Variants in SNX18 observed in about 807,000 individuals in gnomAD.
The protein encoded by SNX18 is sorting nexin-18.
SNX18 carries 35 observed loss-of-function variants against 48.7 expected under a neutral mutation model. The ratio of observed to expected loss-of-function variants is 0.72; its 90% CI spans 0.55 to 0.95. SNX18 has a LOEUF of 0.95. Ranked by LOEUF, SNX18 falls within the 40% of genes least tolerant of loss-of-function variation. SNX18 has a pLI of 0.00. For synonymous variants in SNX18, 492 were observed against 384.7 expected, an observed-to-expected ratio of 1.28 and a Z score of -3.26; for missense variants, 824 against 871.0, an observed-to-expected ratio of 0.95 and a Z score of 0.68.
At chr5:54,574,536 G>A in the SNX18 span, among the ~76,000 whole-genome samples, 1 of 152,038 alleles carries the variant, frequency 6.6e-6, no homozygotes, top group Non-Finnish European at 1.5e-5. Flanking sequence ...GGGATTCTAT[G>A]CCCAGTTAAA....
At chr5:54,583,664 C>G in the SNX18 span, among the ~76,000 whole-genome samples, 1 of 152,174 alleles carries the variant, frequency 6.6e-6, no homozygotes, top group Admixed American at 6.5e-5. Context: ...GTACCTACCA[C>G]TTAGCATGTT....
chr5:54,588,306 CTTTTTTTTTTTTTT>C, the SNX18 span, among the ~76,000 whole-genome samples: 870 of 73,920 alleles, frequency 0.012, 30 homozygotes, highest in African/African-American at 0.044. Context: ...TATTTCTATT[CTTTTTTTTTTTTTT>C]TTTTTTTTTT....
At chr5:54,531,046 C>G (rs1036454087) in intron 1 of SNX18, among the ~76,000 whole-genome samples, 1 of 152,164 alleles carries the variant, frequency 6.6e-6, no homozygotes, top group African/African-American at 2.4e-5. Context: ...AGTCACCCTG[C>G]CCATCCAAAC....
chr5:54,641,086 G>A, the SNX18 span, among the ~76,000 whole-genome samples: 90 of 152,032 alleles, frequency 5.9e-4, no homozygotes, highest in African/African-American at 1.9e-3. Flanking sequence ...AATCAGGAAG[G>A]AGTATACAGA....
At chr5:54,633,440 A>C in the SNX18 span, among the ~76,000 whole-genome samples, 1 of 152,172 alleles carries the variant, frequency 6.6e-6, no homozygotes. Flanking sequence ...AGCTGGAACT[A>C]AAAGTGTGCC....
At chr5:54,572,025 T>A in the SNX18 span, among the ~76,000 whole-genome samples, 1 of 152,294 alleles carries the variant, frequency 6.6e-6, no homozygotes, top group Admixed American at 6.5e-5. Context: ...ATCTTGTTAT[T>A]AGAACTCTGA....
chr5:54,581,213 G>C, the SNX18 span, among the ~76,000 whole-genome samples: 6 of 152,206 alleles, frequency 3.9e-5, no homozygotes, highest in African/African-American at 1.4e-4. Context: ...CTGTGTCAAG[G>C]GGTAACATGA....
the SNX18 span, among the ~76,000 whole-genome samples, chr5:54,641,466 T>C: frequency 6.6e-6 from 1 of 152,010 alleles, no homozygotes; most frequent in South Asian, 2.1e-4. Flanking sequence ...GAAGTTGGCG[T>C]GGGATGGGGC....
chr5:54,561,904 A>G, the SNX18 span, among the ~76,000 whole-genome samples: 1 of 152,232 alleles, frequency 6.6e-6, no homozygotes, highest in African/African-American at 2.4e-5. Flanking sequence ...GCAAGGCAAC[A>G]GTATTAAAGT....
At chr5:54,639,205 T>A in the SNX18 span, among the ~76,000 whole-genome samples, 1 of 150,372 alleles carries the variant, frequency 6.7e-6, no homozygotes, top group Non-Finnish European at 1.5e-5. Flanking sequence ...GCTCTCCCAA[T>A]CAGAGAACTT....
the SNX18 span, among the ~76,000 whole-genome samples, chr5:54,581,520 G>A: frequency 2.0e-5 from 3 of 152,056 alleles, no homozygotes; most frequent in East Asian, 3.9e-4. Flanking sequence ...GACGTCTGGC[G>A]TTCCCACCAG....
At chr5:54,620,835 T>C in the SNX18 span, among the ~76,000 whole-genome samples, 1 of 152,206 alleles carries the variant, frequency 6.6e-6, no homozygotes, top group Non-Finnish European at 1.5e-5. Flanking sequence ...CACCTCACTG[T>C]GTCCTCACAT....
chr5:54,568,639 A>G, the SNX18 span, among the ~76,000 whole-genome samples: 2 of 152,176 alleles, frequency 1.3e-5, no homozygotes, highest in Non-Finnish European at 2.9e-5. Context: ...CGCTGCTTCC[A>G]TGTGACTCAA....
downstream of SNX18, among the ~76,000 whole-genome samples, chr5:54,550,237 A>G: frequency 6.6e-6 from 1 of 152,208 alleles, no homozygotes; most frequent in East Asian, 1.9e-4. Flanking sequence ...TGTTCTCTGT[A>G]TGAAACAAAG....
At position 54,519,067 on chromosome 5, in the gene SNX18, G is replaced by A; in HGVS notation, c.1115G>A (p.Cys372Tyr). Residue 372 changes from cysteine (C) to tyrosine (Y), a missense_variant, in exon 1 of 2, where the codon TGC becomes TAC. Cys to Tyr is a radical substitution (Grantham distance 194). Transcript: ENST00000381410. ...HMASHPVLAQ[C>Y]DVFQHFLTCP... is the part of the protein sequence containing the mutation. ...GCCAGCCACCCAGTGCTGGCGCAGT[G>A]CGACGTCTTCCAGCACTTCCTGACG... 1 of 1,613,938 alleles carries A rather than the reference G, an allele frequency of 6.2e-7. No individual in the cohort carries two copies. Among genetic ancestry groups the A allele is most frequent in the Non-Finnish European group, 8.5e-7 (1 of 1,179,988 alleles).
At chr5:54,617,586 A>G in the SNX18 span, among the ~76,000 whole-genome samples, 1 of 152,172 alleles carries the variant, frequency 6.6e-6, no homozygotes, top group Non-Finnish European at 1.5e-5. Flanking sequence ...GAGACAGAAA[A>G]TATGGTTTTG....
At position 54,519,267 on chromosome 5, in the gene SNX18, G is replaced by T; in HGVS notation, c.1315G>T (p.Asp439Tyr). 1 of 1,614,140 alleles carries T rather than the reference G, an allele frequency of 6.2e-7. No homozygotes were observed. The highest frequency in any genetic ancestry group is 8.5e-7 in the Non-Finnish European group (1 of 1,180,014). The change falls in exon 1 of 2, where the codon GAC (aspartate) becomes TAC (tyrosine). Residue 439 changes from aspartate to tyrosine, a missense_variant. Coordinates refer to ENST00000381410, the MANE Select transcript of SNX18 (RefSeq NM_001102575.2). ...CTTCAAGTGCTTCACCAAGAAGATG[G>T]ACGACAGCGCGCTGCAGCTCAACCA... ...DGFKCFTKKM[D>Y]DSALQLNHTA...
chr5:54,591,729 C>T, the SNX18 span, among the ~76,000 whole-genome samples: 9 of 152,222 alleles, frequency 5.9e-5, no homozygotes, highest in Admixed American at 5.2e-4. Flanking sequence ...GAATTAAGAG[C>T]TTCCACACTT....
chr5:54,577,531 C>T, the SNX18 span, among the ~76,000 whole-genome samples: 1 of 152,016 alleles, frequency 6.6e-6, no homozygotes, highest in Non-Finnish European at 1.5e-5. Flanking sequence ...AATTGAAGCC[C>T]AGAGAGAGTT....
Sources: gnomAD v4.1 joint callset for allele counts (sites outside exome capture counted in the v4.1 genomes callset) on GRCh38, gnomAD v4.1.1 for gene constraint, MANE v1.5 for transcripts, NCBI Gene and HGNC (gene_info 2026-07-23, HGNC 2026-07-21) for gene names.